The following SLC9C2 variants were observed in gnomAD, a reference collection of about 807,000 sequenced individuals.
SLC9C2 encodes the protein solute carrier family 9 member C2 (putative), also known as sodium/hydrogen exchanger 11.
SLC9C2 carries 75 observed loss-of-function variants against 140.2 expected under a neutral mutation model. That is an observed-to-expected ratio of 0.53 (90% CI 0.44 to 0.65). The LOEUF is 0.65. SLC9C2 is among the 30% of genes least tolerant of loss of function. The pLI is 0.00. For missense variants in SLC9C2, 1,074 were observed against 1,331.8 expected (o/e 0.81, Z 3.01); for synonymous variants, 375 against 420.9 (o/e 0.89, Z 1.34).
At chr1:173,517,835 G>T in intron 22 of SLC9C2, 131 bp from the exon 23 acceptor site, 3 of 719,454 alleles carry the variant, frequency 4.2e-6, no homozygotes, top group Non-Finnish European at 6.1e-6. Context: ...TGTGAAAGAA[G>T]AATTAGGCTT....
intron 9 of SLC9C2, among the ~76,000 whole-genome samples, chr1:173,566,995 C>T (rs2102153098): frequency 6.6e-6 from 1 of 151,954 alleles, no homozygotes; most frequent in Non-Finnish European, 1.5e-5. Context: ...TTGCAAAATT[C>T]TTCTTGTTAT....
chr1:173,511,074 C>T (rs1326565534), intron 23 of SLC9C2, among the ~76,000 whole-genome samples: 1 of 119,590 alleles, frequency 8.4e-6, no homozygotes, highest in Admixed American at 1.1e-4. Context: ...CTCACTCTCT[C>T]ACTAAGCTGG....
chr1:173,503,196 A>G, intron 27 of SLC9C2, 70 bp downstream of exon 27: 1 of 1,379,892 alleles, frequency 7.2e-7, no homozygotes, highest in Non-Finnish European at 1.0e-6. Flanking sequence ...TTTTGCCTCA[A>G]TTTATTTTAG....
At chr1:173,541,982 T>C (rs981868945) in intron 13 of SLC9C2, among the ~76,000 whole-genome samples, 1 of 151,996 alleles carries the variant, frequency 6.6e-6, no homozygotes, top group African/African-American at 2.4e-5. Context: ...ATTCAAAAGC[T>C]AGTAGAAGGC....
intron 13 of SLC9C2, among the ~76,000 whole-genome samples, chr1:173,546,242 T>C (rs1662837300): frequency 6.6e-6 from 1 of 152,202 alleles, no homozygotes; most frequent in Non-Finnish European, 1.5e-5. Flanking sequence ...AGAAGAAATA[T>C]GTTCTTCAAG....
At chr1:173,598,154 A>G in intron 3 of SLC9C2, 122 bp from the exon 4 acceptor site, 1 of 1,065,996 alleles carries the variant, frequency 9.4e-7, no homozygotes, top group Non-Finnish European at 1.3e-6. Flanking sequence ...ACGAGAGAGT[A>G]TCTACAAGGG....
At chr1:173,515,016 G>C (rs1372351925) in intron 23 of SLC9C2, among the ~76,000 whole-genome samples, 2 of 152,182 alleles carry the variant, frequency 1.3e-5, no homozygotes, top group East Asian at 3.8e-4. Context: ...TCGGCGGAGA[G>C]GTCCACTGTT....
At chr1:173,529,793 T>C (rs1661445868) in intron 18 of SLC9C2, 112 bp downstream of exon 18, 1 of 1,220,430 alleles carries the variant, frequency 8.2e-7, no homozygotes, top group Non-Finnish European at 1.1e-6. Flanking sequence ...ACTGAATCCC[T>C]TTCAACTGTT....
At chr1:173,529,582 A>G (rs1352856657) in intron 18 of SLC9C2, among the ~76,000 whole-genome samples, 2 of 150,810 alleles carry the variant, frequency 1.3e-5, no homozygotes, top group South Asian at 4.2e-4. Context: ...TTCAAGTCTC[A>G]ACTCCTGCAT....
At chr1:173,556,630 G>A (rs1053268918) in intron 10 of SLC9C2, among the ~76,000 whole-genome samples, 1 of 151,900 alleles carries the variant, frequency 6.6e-6, no homozygotes, top group Admixed American at 6.6e-5. Context: ...AATTGCATTT[G>A]TACCCGGGCC....
Position 173,524,832 on chromosome 1 carries a change from A to T in SLC9C2, c.2461T>A (p.Phe821Ile), listed in dbSNP as rs554853589. ...TCAATAATGCCTCTTGAACAAAGGA[A>T]GGTGAGATTTTTTAGAGCTTTAGCA... ...VIAKALKNLT[F>I]LCSRGIIDKH... The change falls in exon 20 of 28, where the codon TTC (phenylalanine) becomes ATC (isoleucine). Residue 821 changes from phenylalanine to isoleucine, a missense_variant. Transcript: ENST00000367714. The T allele has an allele frequency of 2.5e-6, 4 of 1,614,122 alleles. No homozygotes were observed. In the South Asian group the frequency reaches 4.4e-5, roughly 18 times the overall value.
chr1:173,561,466 A>G (rs1218067344), intron 9 of SLC9C2, among the ~76,000 whole-genome samples: 2 of 152,236 alleles, frequency 1.3e-5, no homozygotes, highest in Non-Finnish European at 2.9e-5. Flanking sequence ...TAGCTGAATC[A>G]GCATCCTCTG....
chr1:173,560,735 G>A (rs954006550), intron 9 of SLC9C2, among the ~76,000 whole-genome samples: 9 of 152,070 alleles, frequency 5.9e-5, no homozygotes, highest in Admixed American at 2.6e-4. Flanking sequence ...ACAGAACCCC[G>A]CAGCTAGCTA....
intron 3 of SLC9C2, 37 bp downstream of exon 3, chr1:173,600,080 T>G: frequency 6.9e-7 from 1 of 1,441,406 alleles, no homozygotes; most frequent in Non-Finnish European, 9.5e-7. Flanking sequence ...TTTTGGCATT[T>G]TTTCCTTTAT....
At chr1:173,514,055 TG>T (rs1660240958) in intron 23 of SLC9C2, among the ~76,000 whole-genome samples, 1 of 152,248 alleles carries the variant, frequency 6.6e-6, no homozygotes, top group East Asian at 1.9e-4. Flanking sequence ...CTTTTGCATT[TG>T]CCAAGGAGTG....
At chr1:173,598,167 G>A in intron 3 of SLC9C2, 135 bp from the exon 4 acceptor site, 1 of 862,932 alleles carries the variant, frequency 1.2e-6, no homozygotes, top group Admixed American at 3.1e-5. Context: ...TACAAGGGCA[G>A]TCCTAAGGGT....
chr1:173,540,207 C>T (rs1571507280), intron 13 of SLC9C2, among the ~76,000 whole-genome samples: 1 of 152,154 alleles, frequency 6.6e-6, no homozygotes, highest in African/African-American at 2.4e-5. Context: ...AGACAACTAG[C>T]ATCAGCTGCC....
At chr1:173,509,773 C>T (rs907079260) in intron 23 of SLC9C2, 74 bp from the exon 24 acceptor site, 2 of 1,454,892 alleles carry the variant, frequency 1.4e-6, no homozygotes, top group African/African-American at 3.0e-5. Context: ...AAACAAGATG[C>T]CTGCAGATTT....
intron 18 of SLC9C2, among the ~76,000 whole-genome samples, chr1:173,528,453 G>A (rs1480047682): frequency 6.6e-6 from 1 of 152,072 alleles, no homozygotes; most frequent in East Asian, 1.9e-4. Flanking sequence ...CCTATGAATA[G>A]CTCTGTGTTC....
Sources: allele counts gnomAD v4.1 joint callset (sites outside exome capture counted in the v4.1 genomes callset), GRCh38; gene constraint gnomAD v4.1.1; transcripts MANE v1.5; gene names NCBI Gene and HGNC (gene_info 2026-07-23, HGNC 2026-07-21).